SIRT5: variants seen among roughly 807,000 people sequenced by gnomAD.
SIRT5 encodes the protein sirtuin 5, also known as NAD-dependent protein deacylase sirtuin-5, mitochondrial.
Under a neutral mutation model 40.0 loss-of-function variants are expected in SIRT5, and 26 were observed. The ratio of observed to expected loss-of-function variants is 0.65; its 90% CI spans 0.48 to 0.90. The LOEUF (loss-of-function observed/expected upper bound fraction) is 0.90, where lower values mean the gene tolerates loss of function less well. Ranked by LOEUF, SIRT5 falls within the 40% of genes least tolerant of loss-of-function variation. The probability of loss-of-function intolerance (pLI) is 0.00; values close to 1 mark genes in which losing one functional copy is unlikely to be tolerated. For missense variants in SIRT5, 401 were observed against 402.4 expected, an observed-to-expected ratio of 1.00 and a Z score of 0.03; for synonymous variants, 146 against 149.1, an observed-to-expected ratio of 0.98 and a Z score of 0.15.
intron 9 of SIRT5, among the ~76,000 whole-genome samples, chr6:13,603,271 C>A: frequency 7.6e-6 from 1 of 132,074 alleles, no homozygotes; most frequent in Non-Finnish European, 1.6e-5. Flanking sequence ...AGCCAGACTC[C>A]GTCTCAAAAA....
intron 5 of SIRT5, among the ~76,000 whole-genome samples, chr6:13,594,237 T>C (rs1444251602): frequency 2.0e-5 from 3 of 152,192 alleles, no homozygotes; most frequent in African/African-American, 2.4e-5. Context: ...TGTGCAAGCA[T>C]GATGATGATG....
chr6:13,581,577 T>A (rs982837271), intron 2 of SIRT5, among the ~76,000 whole-genome samples: 1 of 152,246 alleles, frequency 6.6e-6, no homozygotes, highest in African/African-American at 2.4e-5. Context: ...TAAAGATTCA[T>A]TCATGCTGTT....
Position 13,588,412 on chromosome 6 carries a change from G to A in SIRT5, c.197G>A (p.Gly66Asp). Reference protein sequence around the residue: ...ISGAGVSAESGVPTFRGAGGY... With the variant: ...ISGAGVSAESDVPTFRGAGGY... ...GGAGCTGGTGTTAGTGCAGAAAGTGGTGTTCCGACCTTCAGAGGAGCTGGA... is the reference window on the plus strand; with the variant it reads ...GGAGCTGGTGTTAGTGCAGAAAGTGATGTTCCGACCTTCAGAGGAGCTGGA... Residue 66 changes from glycine to aspartate, a missense_variant, in exon 4 of 10, where the codon GGT (glycine) becomes GAT (aspartate). Gly to Asp is a moderately conservative substitution (Grantham distance 94). Coordinates refer to ENST00000606117, the MANE Select transcript of SIRT5 (RefSeq NM_012241.5). The A allele has an allele frequency of 1.2e-6, 2 of 1,614,228 alleles. No homozygotes were observed. The highest frequency in any genetic ancestry group is 1.7e-6 in the Non-Finnish European group (2 of 1,180,050).
intron 6 of SIRT5, 26 bp downstream of exon 6, chr6:13,595,590 G>A (rs749684655): frequency 6.6e-7 from 1 of 1,523,792 alleles, no homozygotes; most frequent in Non-Finnish European, 9.1e-7. Context: ...TACAGAATAA[G>A]TATAGGTTGT....
chr6:13,578,502 C>A (rs1562259756), intron 1 of SIRT5, among the ~76,000 whole-genome samples: 1 of 151,626 alleles, frequency 6.6e-6, no homozygotes, highest in East Asian at 1.9e-4. Flanking sequence ...TGCTTGTAGT[C>A]CCAGCTACTC....
At position 13,614,588 on chromosome 6, in the gene SIRT5, G is replaced by A. The variant is rs1331617745; in HGVS notation, c.*2723G>A. 1 of 152,230 alleles carries A rather than the reference G, an allele frequency of 6.6e-6. No homozygotes were observed. Among genetic ancestry groups the A allele is most frequent in the Non-Finnish European group, 1.5e-5 (1 of 68,044 alleles). 9.4% of individuals were successfully genotyped at this position (152,230 alleles called of 1,614,324 possible). On this transcript the variant is annotated 3_prime_UTR_variant, in exon 10 of 10. Transcript: ENST00000606117. ...GTATGTGTATATACCACAAAACTCG[G>A]GTGCATTCTCTAGGGACCGGCGAAG...
chr6:13,600,816 C>T lies in SIRT5; in HGVS notation c.742-18C>T, dbSNP rs377645077. 2.7e-5 allele frequency: 42 copies of T among 1,581,714 alleles called. No homozygotes were observed. In the African/African-American group the frequency reaches 3.2e-4, roughly 12 times the overall value. On this transcript the variant is annotated intron_variant, in intron 8 of 9. Transcript: ENST00000606117. ...TGTCGTCTGGCTGTTTGTTCATCTC[C>T]GTGTACTTGCCTTGTAGGTGGGCAC... is the stretch of plus-strand genomic sequence containing the variant.
intron 1 of SIRT5, among the ~76,000 whole-genome samples, chr6:13,575,909 T>G (rs1758568790): frequency 6.6e-6 from 1 of 152,240 alleles, no homozygotes. Flanking sequence ...ATGTGCTGTT[T>G]GTCCTTCTGT....
Position 13,614,430 on chromosome 6 carries a change from G to C in SIRT5, c.*2565G>C, listed in dbSNP as rs12207676. On this transcript the variant is annotated 3_prime_UTR_variant, in exon 10 of 10. Transcript: ENST00000606117. ...GCACGGTCGGTACAAATGCATGGCA[G>C]GTGTGAAACAGTTTGATTTGTTCAA... The C allele has an allele frequency of 6.6e-6, 1 of 152,208 alleles. No homozygotes were observed. The highest frequency in any genetic ancestry group is 1.5e-5 in the Non-Finnish European group (1 of 68,042). The allele number at this position is 152,208 out of a possible 1,614,324, so 9.4% of individuals were successfully genotyped here.
In SIRT5 at chr6:13,574,722, C is replaced by G. The variant is rs1225890543; in HGVS notation, c.-217C>G. On this transcript the variant is annotated 5_prime_UTR_variant, in exon 1 of 10. Coordinates refer to ENST00000606117, the MANE Select transcript of SIRT5 (RefSeq NM_012241.5). ...GGGGTACCCAGAGCTCTTAGCGGGC[C>G]GGCAGCATGTGCGGGGCCCAAGGTC... The G allele has an allele frequency of 6.6e-6, 1 of 152,130 alleles. No individual in the cohort carries two copies. Among genetic ancestry groups the G allele is most frequent in the African/African-American group, 2.4e-5 (1 of 41,396 alleles). The allele number at this position is 152,130 out of a possible 1,614,324, so 9.4% of individuals were successfully genotyped here.
intron 1 of SIRT5, among the ~76,000 whole-genome samples, chr6:13,575,971 G>A (rs1758579392): frequency 6.6e-6 from 1 of 152,132 alleles, no homozygotes; most frequent in Non-Finnish European, 1.5e-5. Flanking sequence ...CCATGTTGTT[G>A]CAAATGACAG....
At chr6:13,603,231 C>G (rs1237721159) in intron 9 of SIRT5, among the ~76,000 whole-genome samples, 1 of 146,788 alleles carries the variant, frequency 6.8e-6, no homozygotes, top group Non-Finnish European at 1.5e-5. Flanking sequence ...GAGCCGAGAT[C>G]GCGCCACTGC....
chr6:13,610,518 A>G (rs1419367276), intron 9 of SIRT5, among the ~76,000 whole-genome samples: 1 of 152,154 alleles, frequency 6.6e-6, no homozygotes, highest in African/African-American at 2.4e-5. Flanking sequence ...CACTCCCTCT[A>G]TTTCACACTC....
At chr6:13,580,641 C>T (rs1233124572) in intron 2 of SIRT5, among the ~76,000 whole-genome samples, 1 of 152,018 alleles carries the variant, frequency 6.6e-6, no homozygotes, top group African/African-American at 2.4e-5. Context: ...TTTTCTCTTT[C>T]TCTCTTTCTC....
intron 9 of SIRT5, chr6:13,604,623 C>T (rs1762862348): frequency 6.7e-7 from 1 of 1,484,198 alleles, no homozygotes; most frequent in Non-Finnish European, 8.9e-7. Context: ...CCCCCACCTC[C>T]CATGCCATGG....
rs1759070437 is a variant in SIRT5, at chr6:13,579,573, G to A, written c.-72G>A. On this transcript the variant is annotated 5_prime_UTR_variant, in exon 2 of 10. Transcript: ENST00000606117. ...TCAAATATATTAGAAAGCAGCCGTGGAGACAACCATCTTCATTTTGGGAGA... is the reference window on the plus strand; with the variant it reads ...TCAAATATATTAGAAAGCAGCCGTGAAGACAACCATCTTCATTTTGGGAGA... The A allele has an allele frequency of 6.6e-6, 1 of 152,200 alleles. No homozygotes were observed. Among genetic ancestry groups the A allele is most frequent in the South Asian group, 2.1e-4 (1 of 4,828 alleles). 9.4% of individuals were successfully genotyped at this position (152,200 alleles called of 1,614,324 possible). A position where few individuals can be genotyped will look rare whatever the true frequency, so the allele number is the denominator to read the frequency against.
rs1764188258 is a variant in SIRT5, at chr6:13,614,494, GGAGA to G, written c.*2632_*2635del. The G allele has an allele frequency of 6.6e-6, 1 of 152,222 alleles. No homozygotes were observed. The allele number at this position is 152,222 out of a possible 1,614,324, so 9.4% of individuals were successfully genotyped here. A position where few individuals can be genotyped will look rare whatever the true frequency, so the allele number is the denominator to read the frequency against. On this transcript the variant is annotated 3_prime_UTR_variant, in exon 10 of 10. Transcript: ENST00000606117. ...ACTTAGTGTTGTATAATGGATGGGA[GGAGA>G]GAAACACAGCGATCACAAAGGGCCA...
rs1762813345 is a variant in SIRT5, at chr6:13,604,364, T to C, written c.857+3415T>C. On this transcript the variant is annotated intron_variant, in intron 9 of 9. Transcript: ENST00000606117. ...CCGGAGCTAGGCAGCTCAAGCCTCCTGTCTGTTTGAAAGACCATCAGAAAA... is the reference window on the plus strand; with the variant it reads ...CCGGAGCTAGGCAGCTCAAGCCTCCCGTCTGTTTGAAAGACCATCAGAAAA... 5.2e-6 allele frequency: 4 copies of C among 774,688 alleles called. No homozygotes were observed. In the South Asian group the frequency reaches 6.1e-5, roughly 12 times the overall value. The allele number at this position is 774,688 out of a possible 1,614,324, so 48.0% of individuals were successfully genotyped here. A position where few individuals can be genotyped will look rare whatever the true frequency, so the allele number is the denominator to read the frequency against.
intron 2 of SIRT5, among the ~76,000 whole-genome samples, chr6:13,581,950 T>G (rs1759394372): frequency 6.6e-6 from 1 of 152,220 alleles, no homozygotes. Context: ...TCTTCATTCC[T>G]TCCACCTTTT....
Sources: gnomAD v4.1 joint callset for allele counts (sites outside exome capture counted in the v4.1 genomes callset) on GRCh38, gnomAD v4.1.1 for gene constraint, MANE v1.5 for transcripts, NCBI Gene and HGNC (gene_info 2026-07-23, HGNC 2026-07-21) for gene names.